Variants in CWF19L2 observed in about 807,000 individuals in gnomAD.
CWF19L2 encodes the protein CWF19-like protein 2.
Under a neutral mutation model 111.7 loss-of-function variants are expected in CWF19L2, and 98 were observed. The observed-to-expected ratio is 0.88, with a 90% CI of 0.75 to 1.04. The LOEUF is 1.04. Among genes scored for constraint, CWF19L2 ranks in the 50% least tolerant of loss-of-function variants. The pLI, the probability that CWF19L2 is intolerant of heterozygous loss-of-function variation, is 0.00. For missense variants in CWF19L2, 1,101 were observed against 1,051.4 expected (o/e 1.05, Z -0.65); for synonymous variants, 351 against 342.9 (o/e 1.02, Z -0.26).
chr11:107,457,672 A>G, intron 1 of CWF19L2, 40 bp downstream of exon 1: 1 of 1,462,036 alleles, frequency 6.8e-7, no homozygotes, highest in Non-Finnish European at 9.4e-7. Flanking sequence ...CTCAACTCCC[A>G]CAACAATAAA....
chr11:107,439,899 G>T (rs1263888293), intron 5 of CWF19L2, among the ~76,000 whole-genome samples: 1 of 152,128 alleles, frequency 6.6e-6, no homozygotes, highest in African/African-American at 2.4e-5. Flanking sequence ...AGAGCAAACT[G>T]GGCTCAGCAT....
intron 2 of CWF19L2, among the ~76,000 whole-genome samples, chr11:107,455,303 TA>T (rs1358328694): frequency 2.0e-5 from 3 of 151,972 alleles, no homozygotes; most frequent in African/African-American, 7.3e-5. Context: ...ATTTGTCAAT[TA>T]AAAATAATTT....
intron 12 of CWF19L2, among the ~76,000 whole-genome samples, chr11:107,370,882 C>T (rs955348740): frequency 5.1e-5 from 7 of 137,974 alleles, no homozygotes; most frequent in Admixed American, 7.1e-5. Flanking sequence ...GATAATTTAA[C>T]ATTAAACTAC....
chr11:107,363,280 C>A (rs1860386386), intron 12 of CWF19L2, among the ~76,000 whole-genome samples: 1 of 152,136 alleles, frequency 6.6e-6, no homozygotes, highest in African/African-American at 2.4e-5. Context: ...CTTCCCCAAT[C>A]TAGCAAGGCA....
intron 13 of CWF19L2, among the ~76,000 whole-genome samples, chr11:107,352,958 C>T (rs966809992): frequency 6.6e-6 from 1 of 152,138 alleles, no homozygotes; most frequent in Non-Finnish European, 1.5e-5. Flanking sequence ...CTCCTCAGGG[C>T]TTTTCACTGA....
At chr11:107,392,657 A>T (rs1395327105) in intron 11 of CWF19L2, 122 bp downstream of exon 11, 4 of 562,730 alleles carry the variant, frequency 7.1e-6, no homozygotes, top group Middle Eastern at 6.6e-4. Flanking sequence ...ATCATTTCCT[A>T]CCTTCCAATA....
chr11:107,388,148 C>CT (rs1379467367), intron 12 of CWF19L2, among the ~76,000 whole-genome samples: 17 of 152,302 alleles, frequency 1.1e-4, no homozygotes, highest in Admixed American at 4.6e-4. Context: ...CAGCAACACT[C>CT]TGTTGAAAAT....
chr11:107,427,268 C>T (rs1263463163), intron 8 of CWF19L2, among the ~76,000 whole-genome samples: 1 of 151,860 alleles, frequency 6.6e-6, no homozygotes, highest in East Asian at 1.9e-4. Context: ...CCCTCTCCAG[C>T]CAGTCACAGA....
intron 8 of CWF19L2, among the ~76,000 whole-genome samples, chr11:107,418,711 C>T (rs987884809): frequency 3.3e-5 from 5 of 152,214 alleles, no homozygotes; most frequent in African/African-American, 9.6e-5. Context: ...TAACTGCATT[C>T]AAAGAATAAA....
intron 7 of CWF19L2, among the ~76,000 whole-genome samples, chr11:107,431,868 A>G (rs1346941071): frequency 6.6e-6 from 1 of 152,196 alleles, no homozygotes; most frequent in Non-Finnish European, 1.5e-5. Flanking sequence ...AAAATAATTC[A>G]TTCAATATAT....
chr11:107,403,362 T>C, intron 10 of CWF19L2: 1 of 598,656 alleles, frequency 1.7e-6, no homozygotes. Flanking sequence ...TTTTTTCATT[T>C]AAAAAACTAT....
chr11:107,361,683 T>A (rs1409482008), intron 12 of CWF19L2, among the ~76,000 whole-genome samples: 1 of 152,218 alleles, frequency 6.6e-6, no homozygotes, highest in Non-Finnish European at 1.5e-5. Context: ...CCTGTAGAGA[T>A]CTTTCACCTC....
rs767114491 is a variant in CWF19L2 at position 107,353,708 on chromosome 11, T to C, written c.1901A>G (p.Tyr634Cys). The C allele has an allele frequency of 6.2e-7, 1 of 1,613,758 alleles. No homozygotes were observed. Among genetic ancestry groups the C allele is most frequent in the Non-Finnish European group, 8.5e-7 (1 of 1,179,732 alleles). Residue 634 changes from tyrosine (Y) to cysteine (C), a missense_variant, in exon 13 of 18, where the codon TAC becomes TGC. Tyr to Cys is a radical substitution (Grantham distance 194, BLOSUM62 -2). Transcript: ENST00000282251. Reference sequence around the variant, plus strand: ...GGAGACAAACATGTCATCCAGGGTGTAATAGTCTCCATCTGTTTTTCCCAT... The same window carrying C: ...GGAGACAAACATGTCATCCAGGGTGCAATAGTCTCCATCTGTTTTTCCCAT... ...KFMGKTDGDY[Y>C]TLDDMFVSKA...
intron 8 of CWF19L2, among the ~76,000 whole-genome samples, chr11:107,423,998 A>G (rs1353144209): frequency 6.6e-6 from 1 of 151,874 alleles, no homozygotes; most frequent in African/African-American, 2.4e-5. Context: ...TGAGCTTCTC[A>G]TGAAGAACTA....
intron 12 of CWF19L2, among the ~76,000 whole-genome samples, chr11:107,361,802 G>A (rs1245969372): frequency 1.3e-5 from 2 of 152,154 alleles, no homozygotes; most frequent in African/African-American, 4.8e-5. Context: ...AATGCTACTG[G>A]AAGATGTTGG....
intron 12 of CWF19L2, among the ~76,000 whole-genome samples, chr11:107,386,781 C>G (rs1255712412): frequency 6.6e-6 from 1 of 152,092 alleles, no homozygotes; most frequent in Non-Finnish European, 1.5e-5. Flanking sequence ...CAGGGCTAGG[C>G]GCAGTGGCTC....
Position 107,379,341 on chromosome 11 carries a change from T to C in CWF19L2, c.1872+10733A>G, listed in dbSNP as rs183197957. On this transcript the variant is annotated intron_variant, in intron 12 of 17. Coordinates refer to ENST00000282251, the MANE Select transcript of CWF19L2 (RefSeq NM_152434.3). ...CTGTCACAACTTAGGGTGAGAGGGG[T>C]TGCTATTGGTATTTGCTGGCCAGAG... Among the ~76,000 whole-genome samples the C allele has an allele frequency of 6.6e-5, 10 of 151,846 alleles. No individual in the cohort carries two copies. The East Asian group carries it at 1.7e-3, about 26-fold the overall frequency.
chr11:107,327,894 G>T (rs1859785897), intron 17 of CWF19L2, among the ~76,000 whole-genome samples: 1 of 152,118 alleles, frequency 6.6e-6, no homozygotes, highest in Admixed American at 6.5e-5. Flanking sequence ...AGACTGTGTG[G>T]TGAGATCCTG....
rs1445321766 is a variant in CWF19L2, at chr11:107,359,652, C to A, written c.1873-5916G>T. Among the ~76,000 whole-genome samples the A allele has an allele frequency of 2.0e-5, 3 of 152,200 alleles. No homozygotes were observed. The East Asian group carries it at 5.8e-4, about 30-fold the overall frequency. On this transcript the variant is annotated intron_variant, in intron 12 of 17. Transcript: ENST00000282251. ...ACAGGGCCAGGCACAGTGGTTCACA[C>A]CTGTAATCCCAGCACTTTGGGAGGC...
Sources: allele counts gnomAD v4.1 joint callset (sites outside exome capture counted in the v4.1 genomes callset), GRCh38; gene constraint gnomAD v4.1.1; transcripts MANE v1.5; gene names NCBI Gene and HGNC (gene_info 2026-07-23, HGNC 2026-07-21).